ADAMTS20: variants seen among roughly 807,000 people sequenced by gnomAD.
ADAMTS20 encodes the protein ADAM metallopeptidase with thrombospondin type 1 motif 20.
ADAMTS20 carries 225 observed loss-of-function variants against 260.1 expected under a neutral mutation model. That is an observed-to-expected ratio of 0.87 (90% CI 0.78 to 0.97). The LOEUF is 0.97. Among genes scored for constraint, ADAMTS20 ranks in the 50% least tolerant of loss-of-function variants. The pLI, the probability that ADAMTS20 is intolerant of heterozygous loss-of-function variation, is 0.00. For missense variants in ADAMTS20, 2,400 were observed against 2,337.7 expected (o/e 1.03, Z -0.55); for synonymous variants, 802 against 769.5 (o/e 1.04, Z -0.70).
At chr12:43,393,924 T>G (rs757553179) in intron 29 of ADAMTS20, among the ~76,000 whole-genome samples, 3 of 152,138 alleles carry the variant, frequency 2.0e-5, no homozygotes, top group Non-Finnish European at 4.4e-5. Context: ...CATTTTTTAA[T>G]CTGCAATATT....
chr12:43,544,108 T>C (rs1943411986), intron 2 of ADAMTS20, among the ~76,000 whole-genome samples: 2 of 152,238 alleles, frequency 1.3e-5, no homozygotes, highest in Admixed American at 1.3e-4. Context: ...ATATATTTCA[T>C]AGAAAACAGT....
intron 28 of ADAMTS20, among the ~76,000 whole-genome samples, chr12:43,404,660 T>A (rs900264300): frequency 6.6e-6 from 1 of 152,186 alleles, no homozygotes; most frequent in East Asian, 1.9e-4. Context: ...TTTGTTTTTA[T>A]GTTAATCATC....
At chr12:43,367,586 A>T (rs892755463) in intron 37 of ADAMTS20, among the ~76,000 whole-genome samples, 1 of 152,058 alleles carries the variant, frequency 6.6e-6, no homozygotes, top group Non-Finnish European at 1.5e-5. Context: ...TGAAACTAAC[A>T]TACTTACTGC....
intron 37 of ADAMTS20, among the ~76,000 whole-genome samples, chr12:43,367,734 G>A (rs1940018066): frequency 6.6e-6 from 1 of 152,000 alleles, no homozygotes; most frequent in Admixed American, 6.6e-5. Flanking sequence ...AGATTGAGGA[G>A]GAAGTAAAAT....
chr12:43,459,627 A>G (rs1942025438), intron 11 of ADAMTS20, among the ~76,000 whole-genome samples: 1 of 152,220 alleles, frequency 6.6e-6, no homozygotes, highest in East Asian at 1.9e-4. Flanking sequence ...AATGAGAAAT[A>G]GTGTACCTAA....
intron 28 of ADAMTS20, among the ~76,000 whole-genome samples, chr12:43,417,415 C>T (rs1473731848): frequency 1.3e-5 from 2 of 152,118 alleles, no homozygotes; most frequent in Non-Finnish European, 2.9e-5. Flanking sequence ...ACATAAAAGG[C>T]CATGTTACAA....
At chr12:43,452,731 A>G (rs1201321225) in intron 12 of ADAMTS20, 36 bp from the exon 13 acceptor site, 3 of 1,519,352 alleles carry the variant, frequency 2.0e-6, no homozygotes, top group South Asian at 1.3e-5. Flanking sequence ...GCACATCAGT[A>G]CAACATTATT....
chr12:43,406,199 T>C (rs1940916707), intron 28 of ADAMTS20, among the ~76,000 whole-genome samples: 1 of 152,142 alleles, frequency 6.6e-6, no homozygotes, highest in Non-Finnish European at 1.5e-5. Context: ...GATGTTGGAG[T>C]GTCTCTCTTG....
At chr12:43,381,911 A>C (rs1940362935) in intron 31 of ADAMTS20, among the ~76,000 whole-genome samples, 1 of 152,136 alleles carries the variant, frequency 6.6e-6, no homozygotes, top group Non-Finnish European at 1.5e-5. Context: ...TGCAACTTAA[A>C]CATAAAATAG....
intron 15 of ADAMTS20, among the ~76,000 whole-genome samples, chr12:43,444,375 T>TA (rs1941722692): frequency 6.6e-6 from 1 of 151,872 alleles, no homozygotes; most frequent in Admixed American, 6.6e-5. Flanking sequence ...TGAAAAATCA[T>TA]AAAAAAAGAA....
intron 7 of ADAMTS20, among the ~76,000 whole-genome samples, chr12:43,469,852 G>T (rs927568130): frequency 9.9e-5 from 15 of 152,130 alleles, no homozygotes; most frequent in Non-Finnish European, 2.1e-4. Flanking sequence ...AAGTTAAACT[G>T]AGGAATCCAA....
intron 3 of ADAMTS20, among the ~76,000 whole-genome samples, chr12:43,528,364 A>C (rs1173658851): frequency 1.3e-5 from 2 of 148,232 alleles, no homozygotes; most frequent in East Asian, 2.0e-4. Context: ...AAAAAAAAAA[A>C]AAAAAAAAAA....
chr12:43,378,539 T>G (rs950681165), intron 31 of ADAMTS20, among the ~76,000 whole-genome samples: 2 of 152,242 alleles, frequency 1.3e-5, no homozygotes, highest in Admixed American at 6.5e-5. Flanking sequence ...TATACTGATC[T>G]GCCTACAAAA....
At chr12:43,509,274 A>G (rs1029926769) in intron 3 of ADAMTS20, among the ~76,000 whole-genome samples, 4 of 152,142 alleles carry the variant, frequency 2.6e-5, no homozygotes, top group African/African-American at 9.7e-5. Flanking sequence ...AATGACGTTT[A>G]AAAACAAAAG....
intron 28 of ADAMTS20, among the ~76,000 whole-genome samples, chr12:43,407,549 A>G (rs1366292094): frequency 6.6e-6 from 1 of 151,876 alleles, no homozygotes; most frequent in Non-Finnish European, 1.5e-5. Flanking sequence ...ACTTTCAAAT[A>G]TAAAACCTGA....
chr12:43,532,546 T>TC (rs1191486534), intron 2 of ADAMTS20, among the ~76,000 whole-genome samples: 2 of 91,580 alleles, frequency 2.2e-5, no homozygotes, highest in African/African-American at 3.9e-5. Flanking sequence ...GATACTTTTT[T>TC]TTTTTAATGT....
intron 3 of ADAMTS20, among the ~76,000 whole-genome samples, chr12:43,515,727 T>C (rs1205989486): frequency 6.6e-6 from 1 of 152,222 alleles, no homozygotes; most frequent in Non-Finnish European, 1.5e-5. Context: ...TAATAGTACT[T>C]AATATGTTGA....
At chr12:43,382,450 A>C (rs1940374393) in intron 31 of ADAMTS20, among the ~76,000 whole-genome samples, 1 of 152,164 alleles carries the variant, frequency 6.6e-6, no homozygotes, top group Non-Finnish European at 1.5e-5. Context: ...AGATACAGAA[A>C]GCAGATTAGT....
At chr12:43,398,460 G>C (rs1940746948) in intron 29 of ADAMTS20, among the ~76,000 whole-genome samples, 1 of 152,040 alleles carries the variant, frequency 6.6e-6, no homozygotes, top group Admixed American at 6.6e-5. Context: ...TTTCATTCTA[G>C]CGCAGCCTAG....
Sources: allele counts gnomAD v4.1 joint callset (sites outside exome capture counted in the v4.1 genomes callset), GRCh38; gene constraint gnomAD v4.1.1; transcripts MANE v1.5; gene names NCBI Gene and HGNC (gene_info 2026-07-23, HGNC 2026-07-21).